ECPAS: variants seen among roughly 807,000 people sequenced by gnomAD.
ECPAS encodes proteasome adapter and scaffold protein ECM29.
A neutral mutation model predicts 255.1 loss-of-function variants in ECPAS; 70 were observed. That is an observed-to-expected ratio of 0.27 (90% CI 0.23 to 0.33). The LOEUF (loss-of-function observed/expected upper bound fraction) is 0.33. ECPAS is among the 10% of genes least tolerant of loss of function. The probability of loss-of-function intolerance (pLI) is 1.00; values close to 1 mark genes in which losing one functional copy is unlikely to be tolerated. For missense variants in ECPAS, 1,817 were observed against 2,206.4 expected (o/e 0.82, Z 3.54); for synonymous variants, 784 against 775.0 (o/e 1.01, Z -0.19).
chr9:111,458,694 A>C (rs1589224595), intron 2 of ECPAS, among the ~76,000 whole-genome samples: 1 of 152,078 alleles, frequency 6.6e-6, no homozygotes, highest in Non-Finnish European at 1.5e-5. Context: ...TGATCCAATC[A>C]ATCAATCACA....
In ECPAS at chr9:111,366,265, G is replaced by A. The variant is rs2098120208; in HGVS notation, c.5282C>T (p.Thr1761Ile). The A allele has an allele frequency of 6.4e-7, 1 of 1,574,424 alleles. No homozygotes were observed. Residue 1761 changes from threonine (T) to isoleucine (I), a missense_variant, in exon 48 of 50, where the codon ACT becomes ATT. By Grantham distance (89) the Thr-to-Ile change is moderately conservative. Coordinates refer to ENST00000684092, the MANE Select transcript of ECPAS (RefSeq NM_001364929.1). ...PEALAEILLE[T>I]CKSITYSLEN... ...TAAAGAATATGTGATTGATTTACAAGTTTCAAGCAGAATTTCAGCCAAAGC... is the reference window on the plus strand; with the variant it reads ...TAAAGAATATGTGATTGATTTACAAATTTCAAGCAGAATTTCAGCCAAAGC...
intron 2 of ECPAS, among the ~76,000 whole-genome samples, chr9:111,470,453 G>A (rs2098285906): frequency 6.6e-6 from 1 of 152,114 alleles, no homozygotes. Flanking sequence ...GGGGACTATA[G>A]GCATGTGCCA....
intron 1 of ECPAS, among the ~76,000 whole-genome samples, chr9:111,479,889 G>A (rs1266344984): frequency 6.8e-6 from 1 of 147,624 alleles, no homozygotes; most frequent in African/African-American, 2.5e-5. Context: ...TAAGGCAGGA[G>A]AATTGCTTAA....
At chr9:111,398,780 T>TA (rs1388300339) in intron 24 of ECPAS, among the ~76,000 whole-genome samples, 5 of 151,816 alleles carry the variant, frequency 3.3e-5, no homozygotes, top group Non-Finnish European at 7.4e-5. Context: ...CTACTAAAAA[T>TA]AAAAAAATTA....
Position 111,411,109 on chromosome 9 carries a change from A to G in ECPAS, c.2248T>C (p.Leu750=), listed in dbSNP as rs991936937. The G allele has an allele frequency of 1.9e-6, 3 of 1,613,688 alleles. No individual in the cohort carries two copies. The highest frequency in any genetic ancestry group is 1.7e-6 in the Non-Finnish European group (2 of 1,179,814). Residue 750 remains leucine, a synonymous_variant, in exon 22 of 50, where the codon TTG becomes CTG. Transcript: ENST00000684092. ...AAATACCTTCCCACCGTGAATCCCA[A>G]TGCAAGCAAGGATCCATGCTGTATC... is the stretch of plus-strand genomic sequence containing the variant. ...PEIQHGSLLA[L]GFTVGRYLAK...
At chr9:111,440,665 G>A in intron 5 of ECPAS, 144 bp from the exon 6 acceptor site, 1 of 615,814 alleles carries the variant, frequency 1.6e-6, no homozygotes. Flanking sequence ...AATTTACAAA[G>A]TCCTAATCTA....
intron 49 of ECPAS, among the ~76,000 whole-genome samples, chr9:111,363,218 G>A (rs896661854): frequency 6.7e-6 from 1 of 150,218 alleles, no homozygotes; most frequent in Non-Finnish European, 1.5e-5. Flanking sequence ...GTAGATAACT[G>A]TTAAAAATGT....
intron 34 of ECPAS, among the ~76,000 whole-genome samples, chr9:111,383,677 T>C (rs1026544527): frequency 5.9e-5 from 9 of 152,058 alleles, no homozygotes; most frequent in Non-Finnish European, 1.0e-4. Context: ...AGCCAGCACT[T>C]TGGGAGGCCG....
intron 1 of ECPAS, among the ~76,000 whole-genome samples, chr9:111,474,025 T>C (rs1418816036): frequency 6.6e-6 from 1 of 152,128 alleles, no homozygotes; most frequent in African/African-American, 2.4e-5. Context: ...ATTTTACAGA[T>C]GAGAAAACCG....
chr9:111,483,628 C>G (rs913586006), intron 1 of ECPAS: 63 of 251,082 alleles, frequency 2.5e-4, no homozygotes, highest in African/African-American at 1.5e-3. Context: ...GCAGGGGCCG[C>G]GAGCCGCCTC....
chr9:111,434,976 G>A (rs2098235813), intron 7 of ECPAS, among the ~76,000 whole-genome samples: 3 of 143,160 alleles, frequency 2.1e-5, no homozygotes, highest in Non-Finnish European at 4.5e-5. Flanking sequence ...TCAGCTCACG[G>A]CAACCCCCAC....
intron 2 of ECPAS, among the ~76,000 whole-genome samples, chr9:111,469,851 A>C (rs1321731808): frequency 6.6e-6 from 1 of 152,090 alleles, no homozygotes; most frequent in Non-Finnish European, 1.5e-5. Context: ...AATGTCTAGA[A>C]ATGTGATCTC....
chr9:111,407,437 A>AAC (rs2098186648), intron 24 of ECPAS, among the ~76,000 whole-genome samples: 1 of 130,510 alleles, frequency 7.7e-6, no homozygotes, highest in Non-Finnish European at 1.5e-5. Context: ...AAAAAAAAAA[A>AAC]ACCTAGAAGA....
chr9:111,466,678 T>G (rs1013142779), intron 2 of ECPAS, among the ~76,000 whole-genome samples: 2 of 149,502 alleles, frequency 1.3e-5, no homozygotes, highest in African/African-American at 5.0e-5. Flanking sequence ...GGAGACAGGG[T>G]TCTGCTGTTG....
At chr9:111,393,594 TTTTC>T (rs1440054994) in intron 27 of ECPAS, 82 bp downstream of exon 27, 12 of 882,500 alleles carry the variant, frequency 1.4e-5, no homozygotes, top group Non-Finnish European at 1.8e-6. Flanking sequence ...CTCAAGAAAG[TTTTC>T]TTTCATGTTC....
At chr9:111,480,111 C>A (rs931124461) in intron 1 of ECPAS, among the ~76,000 whole-genome samples, 3 of 151,458 alleles carry the variant, frequency 2.0e-5, no homozygotes, top group Non-Finnish European at 4.4e-5. Flanking sequence ...GGTGGGTACA[C>A]GAATGTTCAC....
chr9:111,444,257 T>C lies in ECPAS; in HGVS notation c.270+121A>G, dbSNP rs113683609. On this transcript the variant is annotated intron_variant, in intron 4 of 49. Coordinates refer to ENST00000684092, the MANE Select transcript of ECPAS (RefSeq NM_001364929.1). ...GTCATTTAAAAAAAAAAAAAACTCATGTTTCATTTAGAAGTGGTCTAAGGT... is the reference window on the plus strand; with the variant it reads ...GTCATTTAAAAAAAAAAAAAACTCACGTTTCATTTAGAAGTGGTCTAAGGT... 13 of 593,820 alleles carry C rather than the reference T, an allele frequency of 2.2e-5. 1 individual carries two copies. Among genetic ancestry groups the C allele is most frequent in the South Asian group, 1.2e-4 (5 of 40,156 alleles). 36.8% of individuals were successfully genotyped at this position (593,820 alleles called of 1,614,324 possible).
chr9:111,428,643 G>A (rs374540767), intron 9 of ECPAS, among the ~76,000 whole-genome samples: 97 of 152,166 alleles, frequency 6.4e-4, no homozygotes, highest in Non-Finnish European at 1.1e-3. Flanking sequence ...TTGGAAAAGT[G>A]GAGATGATTT....
At chr9:111,417,798 G>A in intron 17 of ECPAS, 85 bp downstream of exon 17, 6 of 1,249,358 alleles carry the variant, frequency 4.8e-6, no homozygotes, top group South Asian at 1.6e-5. Flanking sequence ...TCAACATCTA[G>A]TGATTACATT....
Sources: allele counts gnomAD v4.1 joint callset (sites outside exome capture counted in the v4.1 genomes callset), GRCh38; gene constraint gnomAD v4.1.1; transcripts MANE v1.5; gene names NCBI Gene and HGNC (gene_info 2026-07-23, HGNC 2026-07-21).